DLC1: variants seen among roughly 807,000 people sequenced by gnomAD.
The protein encoded by DLC1 is DLC1 Rho GTPase activating protein.
Under a neutral mutation model 140.3 loss-of-function variants are expected in DLC1, and 54 were observed. That is an observed-to-expected ratio of 0.38 (90% CI 0.31 to 0.48). The LOEUF (loss-of-function observed/expected upper bound fraction) is 0.48. DLC1 is among the 20% of genes least tolerant of loss of function. The pLI, the probability that DLC1 is intolerant of heterozygous loss-of-function variation, is 0.96. For synonymous variants in DLC1, 986 were observed against 728.1 expected (o/e 1.35, Z -5.70); for missense variants, 2,536 against 1,907.0 (o/e 1.33, Z -6.14).
chr8:13,537,277 G>T (rs1246655089), intron 1 of DLC1, among the ~76,000 whole-genome samples: 4 of 152,180 alleles, frequency 2.6e-5, no homozygotes. Flanking sequence ...GTTGTGTTCA[G>T]GTTCTGCCAT....
At chr8:13,270,056 CAAAA>C (rs538965954) in intron 5 of DLC1, among the ~76,000 whole-genome samples, 4 of 71,756 alleles carry the variant, frequency 5.6e-5, no homozygotes, top group Non-Finnish European at 2.9e-5. Flanking sequence ...GACTCCGTCT[CAAAA>C]AAAAAAAAAA....
chr8:13,343,765 C>G (rs1834182706), intron 4 of DLC1, among the ~76,000 whole-genome samples: 1 of 152,156 alleles, frequency 6.6e-6, no homozygotes, highest in Admixed American at 6.6e-5. Flanking sequence ...AAAGCCTAAA[C>G]ATAGTTTTAA....
rs1452137433 is a variant in DLC1, at chr8:13,095,167, G to A, written c.3246C>T (p.Val1082=). 1.2e-6 allele frequency: 2 copies of A among 1,614,242 alleles called. No individual in the cohort carries two copies. The part of the protein sequence containing the change: ...DRSVFGVPLT[V]NVQRTGQPLP... ...ACGGTTGTCCTGTGCGCTGCACGTTGACCGTCAGTGGGACCCCAAACACAC... is the reference window on the plus strand; with the variant it reads ...ACGGTTGTCCTGTGCGCTGCACGTTAACCGTCAGTGGGACCCCAAACACAC... Residue 1082 remains valine (V), a synonymous_variant, in exon 11 of 18, where the codon GTC becomes GTT. Transcript: ENST00000276297.
At chr8:13,491,803 A>G (rs1267006061) in intron 2 of DLC1, among the ~76,000 whole-genome samples, 1 of 152,182 alleles carries the variant, frequency 6.6e-6, no homozygotes, top group Non-Finnish European at 1.5e-5. Context: ...TGGTGGTTGT[A>G]TGACTTAAGT....
intron 4 of DLC1, among the ~76,000 whole-genome samples, chr8:13,373,563 C>T (rs1241125173): frequency 1.3e-5 from 2 of 152,162 alleles, no homozygotes; most frequent in Non-Finnish European, 2.9e-5. Flanking sequence ...GCCCAATAAA[C>T]AGTTTGCCAT....
chr8:13,379,375 A>G (rs73551525), intron 4 of DLC1, among the ~76,000 whole-genome samples: 19,926 of 152,224 alleles, frequency 0.13, 1,472 homozygotes, highest in Non-Finnish European at 0.17. Flanking sequence ...ATCTTAAGTC[A>G]AAAATGCACT....
chr8:13,442,661 T>C (rs1798575231), intron 2 of DLC1, among the ~76,000 whole-genome samples: 1 of 152,118 alleles, frequency 6.6e-6, no homozygotes, highest in Non-Finnish European at 1.5e-5. Context: ...TGAGATACCA[T>C]CTCACACCAG....
chr8:13,126,690 A>G (rs1821603218), intron 5 of DLC1, among the ~76,000 whole-genome samples: 1 of 152,222 alleles, frequency 6.6e-6, no homozygotes, highest in Non-Finnish European at 1.5e-5. Context: ...AACCTAGAGT[A>G]ACCCTGTCTC....
At chr8:13,163,888 C>T (rs568212701) in intron 5 of DLC1, among the ~76,000 whole-genome samples, 9 of 152,210 alleles carry the variant, frequency 5.9e-5, no homozygotes, top group African/African-American at 1.7e-4. Context: ...ATGCCCAGTC[C>T]GGGCTACTCA....
At chr8:13,361,955 G>T (rs1486213154) in intron 4 of DLC1, among the ~76,000 whole-genome samples, 1 of 152,166 alleles carries the variant, frequency 6.6e-6, no homozygotes, top group African/African-American at 2.4e-5. Context: ...GTCAAGGCAG[G>T]AAGAAGAGGA....
chr8:13,165,411 A>G (rs1210816345), intron 5 of DLC1, among the ~76,000 whole-genome samples: 1 of 152,220 alleles, frequency 6.6e-6, no homozygotes, highest in Non-Finnish European at 1.5e-5. Flanking sequence ...GGTAAATGAC[A>G]CGTGGACTGA....
At chr8:13,503,371 T>A (rs902168490) in intron 1 of DLC1, among the ~76,000 whole-genome samples, 3 of 152,132 alleles carry the variant, frequency 2.0e-5, no homozygotes, top group African/African-American at 7.2e-5. Context: ...ACCACTGCAC[T>A]CTTGCCTGGG....
chr8:13,431,482 CAAAAAAAAAAAAAAAAAAAAAAAA>C (rs56057254), intron 2 of DLC1, among the ~76,000 whole-genome samples: 1 of 40,596 alleles, frequency 2.5e-5, no homozygotes, highest in Non-Finnish European at 3.9e-5. Context: ...GACTCCGTCT[CAAAAAAAAAAAAAAAAAAAAAAAA>C]AAAAAAAAAG....
chr8:13,404,921 C>T (rs900990739), intron 2 of DLC1, among the ~76,000 whole-genome samples: 2 of 151,972 alleles, frequency 1.3e-5, no homozygotes, highest in Non-Finnish European at 2.9e-5. Context: ...GCAAGAGAGT[C>T]GCTTGAACCT....
chr8:13,116,155 T>G (rs954333149), intron 5 of DLC1: 94 of 986,294 alleles, frequency 9.5e-5, no homozygotes, highest in Non-Finnish European at 1.1e-4. Context: ...CCTTGTGTTG[T>G]TTCACTGTTG....
intron 5 of DLC1, among the ~76,000 whole-genome samples, chr8:13,266,802 C>A (rs1157906049): frequency 6.6e-6 from 1 of 152,100 alleles, no homozygotes; most frequent in South Asian, 2.1e-4. Flanking sequence ...GGTTCTAATA[C>A]AACAAAAAAC....
chr8:13,411,576 T>C (rs1191421714), intron 2 of DLC1, among the ~76,000 whole-genome samples: 1 of 152,188 alleles, frequency 6.6e-6, no homozygotes, highest in East Asian at 1.9e-4. Flanking sequence ...TGTAGAGTCA[T>C]TGATTGTTAC....
chr8:13,576,105 C>A (rs1439514130), intron 1 of DLC1, among the ~76,000 whole-genome samples: 1 of 152,164 alleles, frequency 6.6e-6, no homozygotes. Context: ...GCCCTTAGAT[C>A]ACACTCTTTA....
At chr8:13,263,446 C>G (rs1244018637) in intron 5 of DLC1, among the ~76,000 whole-genome samples, 1 of 151,956 alleles carries the variant, frequency 6.6e-6, no homozygotes, top group Non-Finnish European at 1.5e-5. Flanking sequence ...TATAAGAAAC[C>G]ACAGTAAGAT....
Sources: allele counts gnomAD v4.1 joint callset (sites outside exome capture counted in the v4.1 genomes callset), GRCh38; gene constraint gnomAD v4.1.1; transcripts MANE v1.5; gene names NCBI Gene and HGNC (gene_info 2026-07-23, HGNC 2026-07-21).